Variants in DYNC2H1 observed in about 807,000 individuals in gnomAD.
DYNC2H1 encodes the protein dynein cytoplasmic 2 heavy chain 1, also known as cytoplasmic dynein 2 heavy chain 1.
Under a neutral mutation model 570.0 loss-of-function variants are expected in DYNC2H1, and 410 were observed. The ratio of observed to expected loss-of-function variants is 0.72; its 90% CI spans 0.66 to 0.78. DYNC2H1 has a LOEUF of 0.78. DYNC2H1 is among the 30% of genes least tolerant of loss of function. The pLI, the probability that DYNC2H1 is intolerant of heterozygous loss-of-function variation, is 0.00. For missense variants in DYNC2H1, 4,865 were observed against 5,046.4 expected (o/e 0.96, Z 1.09); for synonymous variants, 1,688 against 1,677.6 (o/e 1.01, Z -0.15).
At chr11:103,343,081 T>G (rs1372769474) in intron 82 of DYNC2H1, among the ~76,000 whole-genome samples, 1 of 152,206 alleles carries the variant, frequency 6.6e-6, no homozygotes, top group Admixed American at 6.5e-5. Context: ...TAACAACCCC[T>G]GACTCTTTGG....
chr11:103,155,631 C>A, intron 25 of DYNC2H1, 130 bp downstream of exon 25: 1 of 881,022 alleles, frequency 1.1e-6, no homozygotes. Flanking sequence ...AGTAAACAAA[C>A]ACAAATCATT....
At chr11:103,473,079 T>C (rs187666226) in intron 88 of DYNC2H1, among the ~76,000 whole-genome samples, 10 of 152,336 alleles carry the variant, frequency 6.6e-5, no homozygotes, top group East Asian at 3.9e-4. Context: ...AAGACTTCTA[T>C]TGGGGCATGA....
intron 83 of DYNC2H1, among the ~76,000 whole-genome samples, chr11:103,359,722 T>C (rs2135529365): frequency 6.8e-6 from 1 of 147,096 alleles, no homozygotes; most frequent in East Asian, 2.0e-4. Context: ...TGGAAGGCAA[T>C]GGCATGATCT....
rs2245404 is a variant in DYNC2H1 at position 103,114,289 on chromosome 11, A to G, written c.502+51A>G. The G allele has an allele frequency of 0.27, 401,153 of 1,468,022 alleles. 56,741 individuals are homozygous for G. The highest frequency in any genetic ancestry group is 0.49 in the African/African-American group (34,250 of 70,150). The allele number at this position is 1,468,022 out of a possible 1,614,324, so 90.9% of individuals were successfully genotyped here. ...AGAGTACAAAATGATTGTCTCATTA[A>G]TACATTAGTAAATGAACATATTTCT... On this transcript the variant is annotated intron_variant, in intron 3 of 88. Coordinates refer to ENST00000375735, the MANE Select transcript of DYNC2H1 (RefSeq NM_001377.3).
intron 82 of DYNC2H1, among the ~76,000 whole-genome samples, chr11:103,346,848 C>A (rs1344776070): frequency 2.6e-5 from 4 of 151,952 alleles, no homozygotes; most frequent in Admixed American, 1.3e-4. Flanking sequence ...ATCATTATTT[C>A]ACAAACTCTA....
At chr11:103,160,232 C>T (rs1007789723) in intron 28 of DYNC2H1, among the ~76,000 whole-genome samples, 2 of 151,986 alleles carry the variant, frequency 1.3e-5, no homozygotes, top group African/African-American at 2.4e-5. Context: ...ATCAAAATGA[C>T]ATAATATATT....
intron 70 of DYNC2H1, among the ~76,000 whole-genome samples, chr11:103,273,500 T>G (rs937321067): frequency 3.9e-5 from 6 of 152,276 alleles, no homozygotes; most frequent in African/African-American, 1.4e-4. Context: ...CTTAATTTTT[T>G]TATTCTTAAT....
At chr11:103,459,508 T>G (rs933208739) in intron 87 of DYNC2H1, among the ~76,000 whole-genome samples, 1 of 152,030 alleles carries the variant, frequency 6.6e-6, no homozygotes, top group African/African-American at 2.4e-5. Flanking sequence ...AAACCCTTTC[T>G]GAAGGGTTGA....
Position 103,321,156 on chromosome 11 carries a change from A to C in DYNC2H1, c.11853A>C (p.Ser3951=), listed in dbSNP as rs1393152338. The change falls in exon 81 of 89, where the codon TCA becomes TCC. Residue 3951 remains serine, a synonymous_variant. Transcript: ENST00000375735. ...QSYLKQFFNS[S]VIDVFNQRNK... ...ACCTGAAGCAGTTTTTTAATTCTTC[A>C]GTTATTGATGTATTCAACCAAAGGA... 6.2e-7 allele frequency: 1 copy of C among 1,612,012 alleles called. No homozygotes were observed. Among genetic ancestry groups the C allele is most frequent in the African/African-American group, 1.3e-5 (1 of 74,890 alleles).
In DYNC2H1 at chr11:103,177,799, C is replaced by T; in HGVS notation, c.6118C>T (p.Gln2040Ter). The change falls in exon 38 of 89, where the codon CAA (glutamine) becomes TAA (stop). Residue 2040 changes from glutamine (Q) to a stop codon, truncating the protein, a stop_gained. Coordinates refer to ENST00000375735, the MANE Select transcript of DYNC2H1 (RefSeq NM_001377.3). LOFTEE classifies it high-confidence loss of function. This position sits in a 1 kb window ranked among gnomAD's most constrained non-coding sequence, Gnocchi z 4.4. ...SDGVLTNSAR[Q>*]VVREPQDVSS... ...TGGTGTTTTGACAAATAGTGCTCGT[C>T]AAGTGGTTCGGGAACCTCAAGGTTA... 3 of 1,611,710 alleles carry T rather than the reference C, an allele frequency of 1.9e-6. No individual in the cohort carries two copies. Among genetic ancestry groups the T allele is most frequent in the Non-Finnish European group, 2.5e-6 (3 of 1,179,170 alleles).
intron 83 of DYNC2H1, among the ~76,000 whole-genome samples, chr11:103,370,179 G>C (rs907192228): frequency 9.2e-5 from 14 of 152,262 alleles, no homozygotes; most frequent in African/African-American, 3.1e-4. Context: ...GGTAGTTTTA[G>C]AGGCTCCTTA....
intron 3 of DYNC2H1, among the ~76,000 whole-genome samples, chr11:103,114,574 C>T (rs1467164168): frequency 6.6e-6 from 1 of 152,108 alleles, no homozygotes; most frequent in Non-Finnish European, 1.5e-5. Context: ...CACTACTAGG[C>T]CTCCCAAAGT....
intron 65 of DYNC2H1, among the ~76,000 whole-genome samples, chr11:103,250,404 G>A (rs994335186): frequency 3.9e-5 from 6 of 151,992 alleles, no homozygotes; most frequent in East Asian, 3.9e-4. Context: ...TTTAACAAGC[G>A]TATATTGCAT....
chr11:103,139,803 T>G (rs1232014100), intron 17 of DYNC2H1, among the ~76,000 whole-genome samples: 1 of 152,108 alleles, frequency 6.6e-6, no homozygotes, highest in Non-Finnish European at 1.5e-5. Context: ...CTGTCTAATG[T>G]TGACAGTGGG....
Position 103,256,273 on chromosome 11 carries a change from T to A in DYNC2H1, c.10461+33T>A. On this transcript the variant is annotated intron_variant, in intron 68 of 88. Transcript: ENST00000375735. The surrounding 1 kb of genome is among the most constrained non-coding windows in gnomAD (Gnocchi z 4.0). ...TTTCCTTCTTTGTAATTTCGTATTA[T>A]GTTTTCTTGAACATTTAGGTTAATA... 2 of 1,557,666 alleles carry A rather than the reference T, an allele frequency of 1.3e-6. No individual in the cohort carries two copies. Among genetic ancestry groups the A allele is most frequent in the South Asian group, 2.5e-5 (2 of 81,556 alleles).
chr11:103,465,325 G>C lies in DYNC2H1; in HGVS notation c.12649-3264G>C, dbSNP rs1042524679. Reference sequence around the variant, plus strand: ...TAATTTGAGAAGTGGAAAAATACAAGAAAGAAGAACTTAATGGTGAAAATG... The same window carrying C: ...TAATTTGAGAAGTGGAAAAATACAACAAAGAAGAACTTAATGGTGAAAATG... On this transcript the variant is annotated intron_variant, in intron 87 of 88. Transcript: ENST00000375735. This position sits in a 1 kb window ranked among gnomAD's most constrained non-coding sequence, Gnocchi z 4.9. Among the ~76,000 whole-genome samples the C allele has an allele frequency of 6.6e-6, 1 of 152,016 alleles. No individual in the cohort carries two copies. Among genetic ancestry groups the C allele is most frequent in the African/African-American group, 2.4e-5 (1 of 41,416 alleles).
intron 63 of DYNC2H1, among the ~76,000 whole-genome samples, chr11:103,237,385 G>A (rs570107457): frequency 6.6e-6 from 1 of 151,916 alleles, no homozygotes; most frequent in African/African-American, 2.4e-5. Context: ...TTATATTTTA[G>A]GTGCTGTTCA....
chr11:103,411,300 C>T (rs191993576), intron 84 of DYNC2H1, among the ~76,000 whole-genome samples: 106 of 152,004 alleles, frequency 7.0e-4, no homozygotes, highest in African/African-American at 1.7e-3. Context: ...TATAAGGTAG[C>T]GCTTTCAGAA....
At chr11:103,285,483 C>T (rs372796379) in intron 73 of DYNC2H1, among the ~76,000 whole-genome samples, 89 of 141,346 alleles carry the variant, frequency 6.3e-4, no homozygotes, top group African/African-American at 2.2e-3. Flanking sequence ...AGTGCAGTGG[C>T]GTGATCTCGG....
Sources: allele counts gnomAD v4.1 joint callset (sites outside exome capture counted in the v4.1 genomes callset), GRCh38; gene constraint gnomAD v4.1.1; non-coding constraint Gnocchi (gnomAD v3.1); transcripts MANE v1.5; gene names NCBI Gene and HGNC (gene_info 2026-07-23, HGNC 2026-07-21).